Variants in SDCCAG8 observed in about 807,000 individuals in gnomAD.
SDCCAG8 encodes the protein serologically defined colon cancer antigen 8.
In SDCCAG8, 74 loss-of-function variants were observed where a neutral mutation model predicts 101.8. That is an observed-to-expected ratio of 0.73 (90% confidence interval 0.60 to 0.88). SDCCAG8 has a LOEUF of 0.88. Among genes scored for constraint, SDCCAG8 ranks in the 40% least tolerant of loss-of-function variants. The pLI, the probability that SDCCAG8 is intolerant of heterozygous loss-of-function variation, is 0.00. For synonymous variants in SDCCAG8, 281 were observed against 292.9 expected (o/e 0.96, Z 0.41); for missense variants, 787 against 822.6 (o/e 0.96, Z 0.53).
Position 243,499,993 on chromosome 1 carries a change from G to C in SDCCAG8, c.*208G>C, listed in dbSNP as rs758117117. On this transcript the variant is annotated 3_prime_UTR_variant, in exon 18 of 18. Transcript: ENST00000366541. Reference sequence around the variant, plus strand: ...TGACTCTAGCTGAGCAGAGCTCCTGGTGTATGTTTTCAGAAATGGCTTGAA... The same window carrying C: ...TGACTCTAGCTGAGCAGAGCTCCTGCTGTATGTTTTCAGAAATGGCTTGAA... 1.3e-5 allele frequency: 8 copies of C among 601,738 alleles called. No individual in the cohort carries two copies. Among genetic ancestry groups the C allele is most frequent in the Non-Finnish European group, 2.4e-5 (8 of 336,570 alleles). 37.3% of individuals were successfully genotyped at this position (601,738 alleles called of 1,614,324 possible).
At chr1:243,409,395 T>C (rs1038557532) in intron 13 of SDCCAG8, among the ~76,000 whole-genome samples, 1 of 152,196 alleles carries the variant, frequency 6.6e-6, no homozygotes, top group African/African-American at 2.4e-5. Context: ...GACAAATATT[T>C]ATATTTATAT....
intron 13 of SDCCAG8, among the ~76,000 whole-genome samples, chr1:243,408,774 A>G (rs935579245): frequency 1.3e-5 from 2 of 152,214 alleles, no homozygotes; most frequent in Non-Finnish European, 2.9e-5. Context: ...CTATAAAGTG[A>G]AGATACTAAG....
rs1232443511 is a variant in SDCCAG8 at position 243,291,508 on chromosome 1, C to T, written c.547-1583C>T. On this transcript the variant is annotated intron_variant, in intron 5 of 17. Transcript: ENST00000366541. ...TTTCTGTGGTTTGTCACAGAGCCTA[C>T]TCTTCTTCCTTTTTGAATCCCTGGC... Among the ~76,000 whole-genome samples, 3 of 152,230 alleles carry T rather than the reference C, an allele frequency of 2.0e-5. No homozygotes were observed. In the East Asian group the frequency reaches 5.8e-4, roughly 29 times the overall value.
intron 12 of SDCCAG8, among the ~76,000 whole-genome samples, chr1:243,365,313 A>T (rs559394689): frequency 6.6e-6 from 1 of 152,258 alleles, no homozygotes; most frequent in African/African-American, 2.4e-5. Flanking sequence ...CTTCACAGGG[A>T]AGTTTACTCC....
At chr1:243,470,757 G>T (rs1205806801) in intron 16 of SDCCAG8, among the ~76,000 whole-genome samples, 3 of 152,112 alleles carry the variant, frequency 2.0e-5, no homozygotes, top group Admixed American at 2.0e-4. Context: ...CAAGGGTGCT[G>T]TCCCCCTCCT....
At chr1:243,435,414 T>C (rs1235302600) in intron 16 of SDCCAG8, among the ~76,000 whole-genome samples, 1 of 152,234 alleles carries the variant, frequency 6.6e-6, no homozygotes, top group African/African-American at 2.4e-5. Context: ...ACAACGTTAG[T>C]GCTTAACAAA....
chr1:243,462,339 C>T (rs1659286414), intron 16 of SDCCAG8, among the ~76,000 whole-genome samples: 1 of 152,196 alleles, frequency 6.6e-6, no homozygotes, highest in Non-Finnish European at 1.5e-5. Flanking sequence ...CCTCCATAAA[C>T]AAATGATAGC....
intron 1 of SDCCAG8, among the ~76,000 whole-genome samples, chr1:243,260,666 A>T (rs191207969): frequency 3.3e-5 from 5 of 152,296 alleles, no homozygotes; most frequent in Non-Finnish European, 2.9e-5. Context: ...TTTATCAACA[A>T]CACCTGTATA....
At chr1:243,444,147 C>A (rs2148106259) in intron 16 of SDCCAG8, among the ~76,000 whole-genome samples, 1 of 152,120 alleles carries the variant, frequency 6.6e-6, no homozygotes, top group South Asian at 2.1e-4. Flanking sequence ...ATTTTTGTGG[C>A]ACAGAAGGTA....
chr1:243,491,277 A>C (rs1666347990), intron 17 of SDCCAG8, among the ~76,000 whole-genome samples: 1 of 152,190 alleles, frequency 6.6e-6, no homozygotes, highest in South Asian at 2.1e-4. Context: ...CATTAAAAAA[A>C]CCCCAAACCT....
intron 9 of SDCCAG8, among the ~76,000 whole-genome samples, chr1:243,318,235 T>C (rs1197460824): frequency 1.3e-5 from 2 of 152,220 alleles, no homozygotes; most frequent in Non-Finnish European, 2.9e-5. Context: ...CAGTTATCCT[T>C]AGCAAACTAA....
chr1:243,412,969 G>C (rs1457402949), intron 13 of SDCCAG8, among the ~76,000 whole-genome samples: 1 of 152,070 alleles, frequency 6.6e-6, no homozygotes, highest in Non-Finnish European at 1.5e-5. Context: ...AGGAGAGAAG[G>C]CAACATAGGA....
At chr1:243,336,825 TTTG>T (rs1294249917) in intron 10 of SDCCAG8, among the ~76,000 whole-genome samples, 5 of 152,168 alleles carry the variant, frequency 3.3e-5, no homozygotes, top group Non-Finnish European at 1.5e-5. Flanking sequence ...GTTCATGTCT[TTTG>T]TTCATTTTTT....
At chr1:243,475,546 C>A (rs971870292) in intron 16 of SDCCAG8, among the ~76,000 whole-genome samples, 1 of 152,154 alleles carries the variant, frequency 6.6e-6, no homozygotes, top group Non-Finnish European at 1.5e-5. Flanking sequence ...GAGAGACAAA[C>A]CCCTCGTCCG....
chr1:243,258,209 A>G (rs1161629245), intron 1 of SDCCAG8, among the ~76,000 whole-genome samples: 1 of 152,224 alleles, frequency 6.6e-6, no homozygotes, highest in Non-Finnish European at 1.5e-5. Flanking sequence ...AAACGTATTC[A>G]TAATTTTAAC....
chr1:243,267,373 G>T, intron 1 of SDCCAG8: 1 of 249,818 alleles, frequency 4.0e-6, no homozygotes, highest in Non-Finnish European at 7.9e-6. Context: ...GAGACGGGCG[G>T]ATTTCACCTG....
chr1:243,349,964 A>G (rs1463088514), intron 12 of SDCCAG8, among the ~76,000 whole-genome samples: 1 of 152,180 alleles, frequency 6.6e-6, no homozygotes, highest in East Asian at 1.9e-4. Context: ...GTATCTCTGC[A>G]AAAGAAATAG....
intron 16 of SDCCAG8, among the ~76,000 whole-genome samples, chr1:243,469,819 C>T (rs996136716): frequency 6.9e-5 from 10 of 144,088 alleles, no homozygotes; most frequent in African/African-American, 2.4e-4. Context: ...CAGGGCTTTG[C>T]GAAAGTGTTG....
chr1:243,296,525 C>CCCAA (rs1326419848), intron 6 of SDCCAG8, among the ~76,000 whole-genome samples: 1 of 143,728 alleles, frequency 7.0e-6, no homozygotes, highest in Non-Finnish European at 1.5e-5. Flanking sequence ...TGTAGTCCAC[C>CCCAA]CCAACTGCTC....
Sources: gnomAD v4.1 joint callset for allele counts (sites outside exome capture counted in the v4.1 genomes callset) on GRCh38, gnomAD v4.1.1 for gene constraint, MANE v1.5 for transcripts, NCBI Gene and HGNC (gene_info 2026-07-23, HGNC 2026-07-21) for gene names.